PIGU: variants seen among roughly 807,000 people sequenced by gnomAD.
PIGU encodes phosphatidylinositol glycan anchor biosynthesis class U.
Under a neutral mutation model 49.9 loss-of-function variants are expected in PIGU, and 24 were observed. The observed-to-expected ratio is 0.48, with a 90% CI of 0.35 to 0.68. PIGU has a LOEUF of 0.68. Among genes scored for constraint, PIGU ranks in the 30% least tolerant of loss-of-function variants. The probability of loss-of-function intolerance (pLI) is 0.01; values close to 1 mark genes in which losing one functional copy is unlikely to be tolerated. For missense variants in PIGU, 490 were observed against 532.6 expected (o/e 0.92, Z 0.79); for synonymous variants, 220 against 205.7 (o/e 1.07, Z -0.59).
At chr20:34,581,508 C>T in intron 10 of PIGU, 40 bp downstream of exon 10, 1 of 1,610,778 alleles carries the variant, frequency 6.2e-7, no homozygotes, top group Non-Finnish European at 8.5e-7. Context: ...CATCCAGGCC[C>T]AGGCTGACAC....
chr20:34,675,085 C>T (rs963890728), intron 1 of PIGU, among the ~76,000 whole-genome samples: 1 of 151,270 alleles, frequency 6.6e-6, no homozygotes, highest in South Asian at 2.1e-4. Flanking sequence ...CCTGTCTCTA[C>T]TAAAAATACA....
chr20:34,562,327 T>G, intron 11 of PIGU: 1 of 830,992 alleles, frequency 1.2e-6, no homozygotes, highest in Non-Finnish European at 1.5e-6. Flanking sequence ...CTGGCACAGA[T>G]GGGGAGACTG....
At chr20:34,656,673 G>A (rs1285273377) in intron 2 of PIGU, among the ~76,000 whole-genome samples, 1 of 151,354 alleles carries the variant, frequency 6.6e-6, no homozygotes, top group Non-Finnish European at 1.5e-5. Context: ...GGCTCAAGTA[G>A]GAGGATCGCT....
chr20:34,568,145 C>T (rs1211328447), intron 11 of PIGU, among the ~76,000 whole-genome samples: 1 of 152,176 alleles, frequency 6.6e-6, no homozygotes, highest in Non-Finnish European at 1.5e-5. Flanking sequence ...TGCCTGAGGC[C>T]AGCGAGCCAG....
At chr20:34,573,975 C>A (rs557305877) in intron 11 of PIGU, among the ~76,000 whole-genome samples, 3 of 152,228 alleles carry the variant, frequency 2.0e-5, no homozygotes, top group Non-Finnish European at 4.4e-5. Flanking sequence ...TTTCTTTTCC[C>A]GCAGCTAACC....
At chr20:34,661,427 G>A (rs558019180) in intron 1 of PIGU, among the ~76,000 whole-genome samples, 50 of 152,212 alleles carry the variant, frequency 3.3e-4, no homozygotes, top group African/African-American at 1.2e-3. Context: ...TGTGTACTCA[G>A]TGTTTAGCTT....
At chr20:34,646,991 A>AT (rs1469188749) in intron 2 of PIGU, among the ~76,000 whole-genome samples, 1 of 151,298 alleles carries the variant, frequency 6.6e-6, no homozygotes, top group African/African-American at 2.4e-5. Flanking sequence ...CACCCAGCTA[A>AT]TTTTTTTTGT....
chr20:34,608,066 C>T (rs1984681187), intron 7 of PIGU, among the ~76,000 whole-genome samples: 1 of 143,598 alleles, frequency 7.0e-6, no homozygotes, highest in Non-Finnish European at 1.5e-5. Flanking sequence ...ACTATGGAGA[C>T]ATGACTTTTT....
chr20:34,633,935 C>T (rs1366927885), intron 6 of PIGU, among the ~76,000 whole-genome samples: 1 of 151,982 alleles, frequency 6.6e-6, no homozygotes. Context: ...ATTTATAATT[C>T]AGGAAATATA....
chr20:34,586,939 T>C (rs946072550), intron 8 of PIGU, among the ~76,000 whole-genome samples: 1 of 152,146 alleles, frequency 6.6e-6, no homozygotes, highest in Non-Finnish European at 1.5e-5. Flanking sequence ...AATTTTTTTG[T>C]GTGAAAAATC....
chr20:34,602,728 T>C (rs911817675), intron 7 of PIGU, among the ~76,000 whole-genome samples: 3 of 152,298 alleles, frequency 2.0e-5, no homozygotes, highest in South Asian at 2.1e-4. Flanking sequence ...TTACATAGAA[T>C]ATAAAGCTTA....
At chr20:34,634,186 C>A (rs1985884804) in intron 6 of PIGU, among the ~76,000 whole-genome samples, 1 of 152,164 alleles carries the variant, frequency 6.6e-6, no homozygotes, top group Non-Finnish European at 1.5e-5. Flanking sequence ...ATCCTCCTGC[C>A]TCAGCCTCCC....
rs1986307850 is a variant in PIGU, at chr20:34,645,349, C to A, written c.196-15G>T. 1 of 1,548,410 alleles carries A rather than the reference C, an allele frequency of 6.5e-7. No individual in the cohort carries two copies. The highest frequency in any genetic ancestry group is 1.2e-5 in the South Asian group (1 of 80,012). ...ATTAATGGAGTCTGCAGAAAAAAAA[C>A]AGACATGTAAAAAAAATTAAGTTAA... On this transcript the variant is annotated splice_polypyrimidine_tract_variant and intron_variant, in intron 2 of 11. Transcript: ENST00000217446.
chr20:34,585,632 C>A, intron 8 of PIGU, 52 bp from the exon 9 acceptor site: 1 of 1,581,830 alleles, frequency 6.3e-7, no homozygotes, highest in Non-Finnish European at 8.6e-7. Context: ...TATAAATTGT[C>A]TGCTTTGACC....
Position 34,672,633 on chromosome 20 carries a change from G to A in PIGU, c.130+4323C>T, listed in dbSNP as rs138427853. ...TTTGGGAGGCCAAGGCAGAAGGATC[G>A]CTTGAGGCCAGGAGCTTAAGACCAG... On this transcript the variant is annotated intron_variant, in intron 1 of 11. Coordinates refer to ENST00000217446, the MANE Select transcript of PIGU (RefSeq NM_080476.5). 2.2e-3 allele frequency among the ~76,000 whole-genome samples: 336 copies of A among 151,234 alleles called. 1 individual carries two copies. The highest frequency in any genetic ancestry group is 7.6e-3 in the African/African-American group (313 of 41,210).
rs533210428 is a variant in PIGU at position 34,629,922 on chromosome 20, A to G, written c.529+4693T>C. ...CAAAACCAACTTTAACACAATAGTG[A>G]AAAAATACAAAGCAGGTGAGAGAAG... On this transcript the variant is annotated intron_variant, in intron 6 of 11. Transcript: ENST00000217446. 5.3e-5 allele frequency among the ~76,000 whole-genome samples: 8 copies of G among 152,350 alleles called. No individual in the cohort carries two copies. The South Asian group carries it at 8.3e-4, about 16-fold the overall frequency.
intron 1 of PIGU, among the ~76,000 whole-genome samples, chr20:34,671,850 G>A (rs1987316151): frequency 6.6e-6 from 1 of 151,982 alleles, no homozygotes; most frequent in African/African-American, 2.4e-5. Context: ...TTGAACCTGA[G>A]AGGCAGAGGT....
intron 6 of PIGU, among the ~76,000 whole-genome samples, chr20:34,629,018 CTTTT>C (rs112907819): frequency 1.7e-4 from 24 of 141,246 alleles, no homozygotes; most frequent in African/African-American, 6.0e-4. Context: ...CCATGTGTAA[CTTTT>C]TTTTTTTTTT....
intron 11 of PIGU, among the ~76,000 whole-genome samples, chr20:34,573,965 T>C (rs1481073825): frequency 6.6e-6 from 1 of 152,228 alleles, no homozygotes; most frequent in Non-Finnish European, 1.5e-5. Context: ...CCCTAACTCC[T>C]TTCTTTTCCC....
Sources: allele counts gnomAD v4.1 joint callset (sites outside exome capture counted in the v4.1 genomes callset), GRCh38; gene constraint gnomAD v4.1.1; transcripts MANE v1.5; gene names NCBI Gene and HGNC (gene_info 2026-07-23, HGNC 2026-07-21).